LYSET: variants seen among roughly 807,000 people sequenced by gnomAD.
LYSET encodes lysosomal enzyme trafficking factor.
chr14:93,185,256 C>CCGG, the LYSET span: 5 of 595,320 alleles, frequency 8.4e-6, no homozygotes, highest in Non-Finnish European at 1.4e-5. Flanking sequence ...GAGCGGGTCT[C>CCGG]CGGCGGCGGC....
At chr14:93,185,821 T>C in the LYSET span, among the ~76,000 whole-genome samples, 25 of 145,206 alleles carry the variant, frequency 1.7e-4, no homozygotes, top group East Asian at 4.8e-3. Flanking sequence ...AGGTGTTTAA[T>C]TTAATTATTT....
At chr14:93,185,588 C>G in the LYSET span, 1 of 979,628 alleles carries the variant, frequency 1.0e-6, no homozygotes, top group Non-Finnish European at 1.6e-6. Context: ...TTTCACCTGT[C>G]AAAGTGAAAT....
chr14:93,185,566 T>G, the LYSET span: 4 of 1,162,380 alleles, frequency 3.4e-6, no homozygotes, highest in South Asian at 1.3e-5. Context: ...AGTACTGTTA[T>G]GCCAGAAAGT....
At chr14:93,185,258 G>C in the LYSET span, 9 of 600,632 alleles carry the variant, frequency 1.5e-5, no homozygotes, top group Admixed American at 3.6e-5. Context: ...GCGGGTCTCC[G>C]GCGGCGGCGA....
chr14:93,188,419 G>A, the LYSET span, among the ~76,000 whole-genome samples: 1 of 152,172 alleles, frequency 6.6e-6, no homozygotes, highest in Admixed American at 6.5e-5. Flanking sequence ...CTTTGCATTT[G>A]TACTACCTCA....
chr14:93,187,560 A>C, the LYSET span, among the ~76,000 whole-genome samples: 1 of 152,216 alleles, frequency 6.6e-6, no homozygotes, highest in African/African-American at 2.4e-5. Context: ...AAAGGCTAGA[A>C]ATAACTTACA....
chr14:93,185,221 G>A, the LYSET span: 1 of 357,394 alleles, frequency 2.8e-6, no homozygotes, highest in African/African-American at 2.2e-5. Flanking sequence ...TGGCGGGGAC[G>A]CCTCCCTGCC....
At chr14:93,185,023 G>C in the LYSET span, 1 of 151,648 alleles carries the variant, frequency 6.6e-6, no homozygotes, top group East Asian at 2.0e-4. Context: ...GGCCACCACG[G>C]GACAGGAAGG....
the LYSET span, among the ~76,000 whole-genome samples, chr14:93,185,899 C>G: frequency 5.5e-5 from 8 of 146,660 alleles, no homozygotes; most frequent in African/African-American, 2.0e-4. Flanking sequence ...GACAGAGTCT[C>G]GCTCTGTCGC....
chr14:93,186,484 T>C, the LYSET span: 5 of 1,614,098 alleles, frequency 3.1e-6, no homozygotes, highest in East Asian at 2.2e-5. Context: ...CCTTTTTGGG[T>C]GTGGACAGTT....
At chr14:93,184,988 C>G in the LYSET span, 2 of 158,056 alleles carry the variant, frequency 1.3e-5, no homozygotes, top group African/African-American at 4.9e-5. This position sits in a 1 kb window ranked among gnomAD's most constrained non-coding sequence, Gnocchi z 4.2. Context: ...CCGACTGCGG[C>G]GGCATCCGGG....
chr14:93,186,374 T>C, the LYSET span: 16 of 1,614,196 alleles, frequency 9.9e-6, 1 homozygote, highest in South Asian at 1.8e-4. Context: ...TCAGTGAGAC[T>C]TACAACAGGC....
the LYSET span, chr14:93,185,530 T>C: frequency 2.0e-6 from 3 of 1,506,458 alleles, no homozygotes; most frequent in Non-Finnish European, 2.8e-6. Flanking sequence ...GCTTGACTTG[T>C]AGCACCCCGC....
At chr14:93,185,730 GT>G in the LYSET span, among the ~76,000 whole-genome samples, 1 of 152,114 alleles carries the variant, frequency 6.6e-6, no homozygotes, top group African/African-American at 2.4e-5. Flanking sequence ...GAAATCAATG[GT>G]TTTTTGTTTT....
the LYSET span, among the ~76,000 whole-genome samples, chr14:93,187,705 C>T: frequency 2.0e-5 from 3 of 152,102 alleles, no homozygotes; most frequent in Admixed American, 6.6e-5. Context: ...AGTCTTGGCT[C>T]ACTGGAACCT....
At chr14:93,187,177 T>C in the LYSET span, 1 of 164,936 alleles carries the variant, frequency 6.1e-6, no homozygotes. Flanking sequence ...TGTCAGCTTA[T>C]GAGGCATTGC....
chr14:93,186,530 C>G, the LYSET span: 2 of 1,614,192 alleles, frequency 1.2e-6, no homozygotes, highest in East Asian at 4.5e-5. Context: ...TGTTTTTGTT[C>G]CTATACTCTT....
the LYSET span, among the ~76,000 whole-genome samples, chr14:93,187,324 A>G: frequency 5.1e-4 from 77 of 152,170 alleles, no homozygotes; most frequent in East Asian, 0.013. Context: ...GGGTCTCGCT[A>G]TGTTGCCCAG....
the LYSET span, among the ~76,000 whole-genome samples, chr14:93,186,071 A>G: frequency 4.6e-5 from 7 of 151,724 alleles, no homozygotes; most frequent in Admixed American, 4.6e-4. Context: ...GGATTTCACC[A>G]TGTTAGCCAG....
Sources: allele counts gnomAD v4.1 joint callset (sites outside exome capture counted in the v4.1 genomes callset), GRCh38; gene constraint gnomAD v4.1.1; non-coding constraint Gnocchi (gnomAD v3.1); transcripts MANE v1.5; gene names NCBI Gene and HGNC (gene_info 2026-07-23, HGNC 2026-07-21).